Variants in MYO3B observed in about 807,000 individuals in gnomAD.
MYO3B encodes myosin-IIIb.
In MYO3B, 156 loss-of-function variants were observed where a neutral mutation model predicts 174.6. The ratio of observed to expected loss-of-function variants is 0.89; its 90% CI spans 0.78 to 1.02. MYO3B has a LOEUF of 1.02. MYO3B is among the 50% of genes least tolerant of loss of function. MYO3B has a pLI of 0.00. For missense variants in MYO3B, 1,632 were observed against 1,639.4 expected, an observed-to-expected ratio of 1.00 and a Z score of 0.08; for synonymous variants, 563 against 569.1, an observed-to-expected ratio of 0.99 and a Z score of 0.15.
chr2:170,185,427 C>G (rs2092449735), intron 1 of MYO3B, among the ~76,000 whole-genome samples: 1 of 152,142 alleles, frequency 6.6e-6, no homozygotes. Flanking sequence ...ATGTTTGTGG[C>G]AGCTTTGTCA....
chr2:170,381,793 C>G (rs759593854), intron 9 of MYO3B, among the ~76,000 whole-genome samples: 19 of 152,280 alleles, frequency 1.2e-4, no homozygotes, highest in Admixed American at 2.0e-4. Flanking sequence ...TGGTAACACT[C>G]CTCACTCTGG....
chr2:170,200,638 T>C (rs2092651280), intron 3 of MYO3B, among the ~76,000 whole-genome samples: 1 of 152,226 alleles, frequency 6.6e-6, no homozygotes, highest in Non-Finnish European at 1.5e-5. Context: ...TTTACTTGGC[T>C]TGCCAAGTTT....
intron 32 of MYO3B, among the ~76,000 whole-genome samples, chr2:170,618,020 T>G (rs1695576783): frequency 6.6e-6 from 1 of 152,162 alleles, no homozygotes; most frequent in Non-Finnish European, 1.5e-5. Context: ...TGATATCAAG[T>G]GTCCTAAAGG....
At chr2:170,516,757 C>T (rs1688339231) in intron 29 of MYO3B, among the ~76,000 whole-genome samples, 2 of 152,094 alleles carry the variant, frequency 1.3e-5, no homozygotes, top group South Asian at 2.1e-4. Context: ...ACCAGAAACA[C>T]ATAGGAACCC....
In MYO3B at chr2:170,400,170, T is replaced by C; in HGVS notation, c.1792-18T>C. 6.2e-7 allele frequency: 1 copy of C among 1,614,004 alleles called. No homozygotes were observed. Among genetic ancestry groups the C allele is most frequent in the Non-Finnish European group, 8.5e-7 (1 of 1,179,942 alleles). ...ACTGGCAATGACCTTCATATATGGT[T>C]CTTGATGTCCTTTTCAGGAGGTGCA... On this transcript the variant is annotated intron_variant, in intron 16 of 34. Coordinates refer to ENST00000408978, the MANE Select transcript of MYO3B (RefSeq NM_138995.5).
intron 25 of MYO3B, among the ~76,000 whole-genome samples, chr2:170,474,713 A>AGCCTGGGT (rs1396393448): frequency 2.3e-4 from 28 of 122,934 alleles, no homozygotes; most frequent in Non-Finnish European, 4.2e-4. Context: ...ATTGCACTCC[A>AGCCTGGGT]GCCTGGGTGA....
intron 9 of MYO3B, among the ~76,000 whole-genome samples, chr2:170,379,567 A>G (rs113938768): frequency 3.5e-4 from 54 of 152,338 alleles, no homozygotes; most frequent in African/African-American, 1.3e-3. Context: ...GATCGGAAAT[A>G]TGTATCCTCC....
chr2:170,434,433 C>T (rs2094735627), intron 22 of MYO3B, among the ~76,000 whole-genome samples: 1 of 152,150 alleles, frequency 6.6e-6, no homozygotes, highest in Non-Finnish European at 1.5e-5. Flanking sequence ...CACACTTGGA[C>T]AAGGGAGGGG....
At chr2:170,568,316 A>T (rs1692207196) in intron 32 of MYO3B, among the ~76,000 whole-genome samples, 1 of 152,246 alleles carries the variant, frequency 6.6e-6, no homozygotes, top group South Asian at 2.1e-4. Flanking sequence ...GGGGCAGAGT[A>T]TGGAAGAAGG....
chr2:170,352,997 T>A (rs1220359406), intron 8 of MYO3B, among the ~76,000 whole-genome samples: 1 of 152,238 alleles, frequency 6.6e-6, no homozygotes, highest in Non-Finnish European at 1.5e-5. Context: ...GACAGTTTGC[T>A]AATTTCTTAC....
At chr2:170,221,958 A>T (rs971394041) in intron 6 of MYO3B, among the ~76,000 whole-genome samples, 4 of 152,240 alleles carry the variant, frequency 2.6e-5, no homozygotes, top group Non-Finnish European at 5.9e-5. Context: ...AGAGAAAGAA[A>T]AATTTCACAT....
chr2:170,431,435 T>C (rs544963162), intron 22 of MYO3B, among the ~76,000 whole-genome samples: 1 of 152,300 alleles, frequency 6.6e-6, no homozygotes, highest in South Asian at 2.1e-4. Context: ...GTTTATGAGT[T>C]TTAAAGCTTA....
intron 7 of MYO3B, among the ~76,000 whole-genome samples, chr2:170,273,937 C>G (rs1574696397): frequency 6.6e-6 from 1 of 152,256 alleles, no homozygotes; most frequent in East Asian, 1.9e-4. Flanking sequence ...AGATGTGGAG[C>G]TGGGCCAATC....
intron 32 of MYO3B, among the ~76,000 whole-genome samples, chr2:170,616,810 G>C (rs1450459040): frequency 6.6e-6 from 1 of 152,192 alleles, no homozygotes; most frequent in Non-Finnish European, 1.5e-5. Flanking sequence ...GTGTGCTTGA[G>C]AGGCCTCAAA....
chr2:170,440,798 GTTTT>G (rs745789992), intron 22 of MYO3B, among the ~76,000 whole-genome samples: 1 of 99,098 alleles, frequency 1.0e-5, no homozygotes, highest in Non-Finnish European at 1.9e-5. Flanking sequence ...TTGGGTGTTG[GTTTT>G]TTTTTTTTTT....
chr2:170,311,383 C>A (rs1269628852), intron 7 of MYO3B, among the ~76,000 whole-genome samples: 1 of 151,768 alleles, frequency 6.6e-6, no homozygotes, highest in Non-Finnish European at 1.5e-5. Context: ...AACATGTTTT[C>A]ATGTGCTTCT....
chr2:170,408,148 T>C (rs1440503298), intron 22 of MYO3B, among the ~76,000 whole-genome samples: 2 of 152,206 alleles, frequency 1.3e-5, no homozygotes, highest in Non-Finnish European at 2.9e-5. Flanking sequence ...CCATACGATA[T>C]CATTAATTCA....
In MYO3B at chr2:170,338,896, G is replaced by T. The variant is rs117814654; in HGVS notation, c.815+3446G>T. 5.2e-3 allele frequency among the ~76,000 whole-genome samples: 788 copies of T among 152,298 alleles called. 11 individuals carry two copies. The highest frequency in any genetic ancestry group is 0.039 in the East Asian group (200 of 5,190). On this transcript the variant is annotated intron_variant, in intron 8 of 34. Transcript: ENST00000408978. The stretch of plus-strand genomic sequence containing the variant: ...GGGATTTACAGGTGTGAGCCACTGA[G>T]CCCAGCCCCAAATAATATCCTTTCA...
At chr2:170,601,168 T>A (rs947752216) in intron 32 of MYO3B, among the ~76,000 whole-genome samples, 1 of 149,970 alleles carries the variant, frequency 6.7e-6, no homozygotes, top group African/African-American at 2.5e-5. Flanking sequence ...AATAAAAAAA[T>A]TGTATTTACT....
Sources: allele counts gnomAD v4.1 joint callset (sites outside exome capture counted in the v4.1 genomes callset), GRCh38; gene constraint gnomAD v4.1.1; transcripts MANE v1.5; gene names NCBI Gene and HGNC (gene_info 2026-07-23, HGNC 2026-07-21).